ZNF615: variants seen among roughly 807,000 people sequenced by gnomAD.
ZNF615 encodes the protein zinc finger protein 615.
A neutral mutation model predicts 15.3 loss-of-function variants in ZNF615; 15 were observed. The observed-to-expected ratio is 0.98, with a 90% confidence interval of 0.66 to 1.51. The LOEUF is 1.51. Ranked by LOEUF, ZNF615 falls within the 40% of genes most tolerant of loss-of-function variation. ZNF615 has a pLI of 0.00. For missense variants in ZNF615, 848 were observed against 895.9 expected (o/e 0.95, Z 0.68); for synonymous variants, 268 against 294.6 (o/e 0.91, Z 0.92).
In ZNF615 at chr19:52,008,163, G is replaced by T. The variant is rs1237191302; in HGVS notation, c.-250C>A. ...TACTTCCCAGAACTTGGTGGGCTCCGGCCTCATCTCTCGGCCTCCTCAGTG... is the reference window on the plus strand; with the variant it reads ...TACTTCCCAGAACTTGGTGGGCTCCTGCCTCATCTCTCGGCCTCCTCAGTG... On this transcript the variant is annotated 5_prime_UTR_variant, in exon 1 of 7. Coordinates refer to ENST00000598071, the MANE Select transcript of ZNF615 (RefSeq NM_001199324.2). The T allele has an allele frequency of 7.2e-6, 11 of 1,535,578 alleles. No homozygotes were observed. The highest frequency in any genetic ancestry group is 8.7e-6 in the Non-Finnish European group (10 of 1,146,816).
At chr19:52,004,932 G>C (rs1284056689) in intron 2 of ZNF615, 1 of 151,954 alleles carries the variant, frequency 6.6e-6, no homozygotes, top group Admixed American at 6.6e-5. Flanking sequence ...TAATATATCA[G>C]GAAGTTTTAA....
chr19:51,994,300 T>A lies in ZNF615; in HGVS notation c.809A>T (p.His270Leu). The change falls in exon 7 of 7, where the codon CAT becomes CTT. Residue 270 changes from histidine to leucine, a missense_variant. Transcript: ENST00000598071. ...TTTGTCACATTCAGTGCATTCATAA[T>A]GTTTCAGTTCTGTATGAGTTCTCTG... ...DHQRTHTELK[H>L]YECTECDKTF... 6.2e-7 allele frequency: 1 copy of A among 1,614,208 alleles called. No individual in the cohort carries two copies. Among genetic ancestry groups the A allele is most frequent in the African/African-American group, 1.3e-5 (1 of 75,060 alleles).
Position 52,003,745 on chromosome 19 carries a change from G to A in ZNF615, c.-34C>T. 6.2e-7 allele frequency: 1 copy of A among 1,610,562 alleles called. No homozygotes were observed. ...AAATTTGGGAAATGACTGCTAACTT[G>A]GACGTTCTGTATTTGTCTCTTCTGA... On this transcript the variant is annotated 5_prime_UTR_variant, in exon 3 of 7. Coordinates refer to ENST00000598071, the MANE Select transcript of ZNF615 (RefSeq NM_001199324.2).
chr19:52,001,410 G>C (rs1276928860), intron 5 of ZNF615, among the ~76,000 whole-genome samples: 2 of 152,074 alleles, frequency 1.3e-5, no homozygotes, highest in Non-Finnish European at 2.9e-5. Context: ...ACAAGGTCAA[G>C]AGATCAAGAC....
chr19:52,000,781 C>T (rs1183492143), intron 5 of ZNF615, among the ~76,000 whole-genome samples: 1 of 152,008 alleles, frequency 6.6e-6, no homozygotes, highest in Non-Finnish European at 1.5e-5. Flanking sequence ...GACAAAACCC[C>T]ACCTCTATAA....
intron 6 of ZNF615, among the ~76,000 whole-genome samples, chr19:51,996,385 C>CAAAAAAAAAAAAAAAAAAAAAAAAAA (rs1172310589): frequency 3.0e-5 from 1 of 33,326 alleles, no homozygotes; most frequent in Non-Finnish European, 5.5e-5. Flanking sequence ...GACTCTGTCT[C>CAAAAAAAAAAAAAAAAAAAAAAAAAA]AAAAAAAAAA....
In ZNF615 at chr19:51,993,418, C is replaced by T. The variant is rs2086300613; in HGVS notation, c.1691G>A (p.Ser564Asn). ...AGTGCGCCGATGTACATTGAGATGA[C>T]TCTTCTCAGTGAAGCCTTTTCCACA... ...NECGKGFTEK[S>N]HLNVHRRTHT... is the part of the protein sequence containing the mutation. The change falls in exon 7 of 7, where the codon AGT becomes AAT. Residue 564 changes from serine (S) to asparagine (N), a missense_variant. Coordinates refer to ENST00000598071, the MANE Select transcript of ZNF615 (RefSeq NM_001199324.2). The T allele has an allele frequency of 1.9e-6, 3 of 1,613,942 alleles. No individual in the cohort carries two copies. In the Admixed American group the frequency reaches 5.0e-5, roughly 27 times the overall value.
rs1172310589 is a variant in ZNF615, at chr19:51,996,385, C to CAAAAAAAAAAAAAAAAAAAAAAAA, written c.272-1549_272-1548insTTTTTTTTTTTTTTTTTTTTTTTT. ...GGGGTGACACAGCAAGACTCTGTCT[C>CAAAAAAAAAAAAAAAAAAAAAAAA]AAAAAAAAAAAAAAAAAAAAAAACG... On this transcript the variant is annotated intron_variant, in intron 6 of 6. Transcript: ENST00000598071. Among the ~76,000 whole-genome samples the CAAAAAAAAAAAAAAAAAAAAAAAA allele has an allele frequency of 3.9e-4, 13 of 33,322 alleles. 2 individuals are homozygous for CAAAAAAAAAAAAAAAAAAAAAAAA. Among genetic ancestry groups the CAAAAAAAAAAAAAAAAAAAAAAAA allele is most frequent in the Non-Finnish European group, 5.0e-4 (9 of 18,124 alleles). 21.9% of individuals were successfully genotyped at this position (33,322 alleles called of 152,430 possible).
At chr19:52,002,003 A>G (rs1488311960) in intron 4 of ZNF615, 95 bp from the exon 5 acceptor site, 10 of 1,596,420 alleles carry the variant, frequency 6.3e-6, no homozygotes, top group Non-Finnish European at 8.6e-6. Flanking sequence ...CATAGGTATC[A>G]GATCTGTAAC....
At chr19:52,008,066 G>T in intron 1 of ZNF615, 75 bp downstream of exon 1, 4 of 1,410,152 alleles carry the variant, frequency 2.8e-6, no homozygotes, top group Non-Finnish European at 2.9e-6. Context: ...CATCACCACT[G>T]TCCACGAACA....
Position 51,994,532 on chromosome 19 carries a change from T to C in ZNF615, c.577A>G (p.Ile193Val), listed in dbSNP as rs1258573599. 6.2e-7 allele frequency: 1 copy of C among 1,614,178 alleles called. No individual in the cohort carries two copies. The highest frequency in any genetic ancestry group is 2.2e-5 in the East Asian group (1 of 44,878). The change falls in exon 7 of 7, where the codon ATT (isoleucine) becomes GTT (valine). Residue 193 changes from isoleucine to valine, a missense_variant. Physicochemically the swap from Ile to Val is conservative, Grantham distance 29. Transcript: ENST00000598071. ...QFYTEMKFPA[I>V]AKPINKSQFI... The stretch of plus-strand genomic sequence containing the variant: ...TGGGACTTATTAATAGGTTTTGCAA[T>C]TGCAGGAAACTTCATTTCAGTATAA...
At chr19:51,999,357 G>T (rs934241118) in intron 6 of ZNF615, among the ~76,000 whole-genome samples, 1 of 152,142 alleles carries the variant, frequency 6.6e-6, no homozygotes, top group Non-Finnish European at 1.5e-5. Context: ...ATTTACAACT[G>T]ATTCTAAACT....
Position 51,992,865 on chromosome 19 carries a change from G to A in ZNF615, c.*15C>T. ...CTTAAGGGCCTACATCTGGCAAGAG[G>A]CTTTCCCAAAATGACTACCTGTGAA... On this transcript the variant is annotated 3_prime_UTR_variant, in exon 7 of 7. Coordinates refer to ENST00000598071, the MANE Select transcript of ZNF615 (RefSeq NM_001199324.2). 1 of 1,611,518 alleles carries A rather than the reference G, an allele frequency of 6.2e-7. No homozygotes were observed. Among genetic ancestry groups the A allele is most frequent in the Non-Finnish European group, 8.5e-7 (1 of 1,178,002 alleles).
intron 2 of ZNF615, among the ~76,000 whole-genome samples, 153 bp downstream of exon 2, chr19:52,007,140 C>G (rs558253158): frequency 1.3e-5 from 2 of 152,224 alleles, no homozygotes; most frequent in African/African-American, 4.8e-5. Context: ...AAAACAACTT[C>G]TAAATGTTTA....
At chr19:52,001,298 T>C (rs1351193290) in intron 5 of ZNF615, among the ~76,000 whole-genome samples, 1 of 151,660 alleles carries the variant, frequency 6.6e-6, no homozygotes, top group African/African-American at 2.4e-5. Flanking sequence ...AAGATGTGCA[T>C]AAAATAAACA....
In ZNF615 at chr19:51,994,264, T is replaced by C; in HGVS notation, c.845A>G (p.Lys282Arg). The C allele has an allele frequency of 1.2e-6, 2 of 1,614,176 alleles. No individual in the cohort carries two copies. Among genetic ancestry groups the C allele is most frequent in the Non-Finnish European group, 1.7e-6 (2 of 1,180,022 alleles). Reference sequence around the variant, plus strand: ...CTGATGTATATTGAGCTGTGATTTCTTGAGGAAGGTTTTGTCACATTCAGT... The same window carrying C: ...CTGATGTATATTGAGCTGTGATTTCCTGAGGAAGGTTTTGTCACATTCAGT... ...ECTECDKTFL[K>R]KSQLNIHQKT... The change falls in exon 7 of 7, where the codon AAG becomes AGG. Residue 282 changes from lysine to arginine, a missense_variant. Coordinates refer to ENST00000598071, the MANE Select transcript of ZNF615 (RefSeq NM_001199324.2).
intron 5 of ZNF615, among the ~76,000 whole-genome samples, chr19:52,001,407 C>G (rs548243375): frequency 9.9e-5 from 15 of 152,078 alleles, no homozygotes; most frequent in Non-Finnish European, 1.9e-4. Context: ...ATCACAAGGT[C>G]AAGAGATCAA....
Position 51,993,289 on chromosome 19 carries a change from T to C in ZNF615, c.1820A>G (p.Tyr607Cys). ...HQRTHTGEKP[Y>C]ICNECGKGFT... The stretch of plus-strand genomic sequence containing the variant: ...GCCCTTTCCACATTCATTGCATATA[T>C]AAGGTTTCTCCCCAGTATGAGTTCG... The change falls in exon 7 of 7, where the codon TAT becomes TGT. Residue 607 changes from tyrosine (Y) to cysteine (C), a missense_variant. Coordinates refer to ENST00000598071, the MANE Select transcript of ZNF615 (RefSeq NM_001199324.2). 3 of 1,614,140 alleles carry C rather than the reference T, an allele frequency of 1.9e-6. No individual in the cohort carries two copies. Among genetic ancestry groups the C allele is most frequent in the Non-Finnish European group, 2.5e-6 (3 of 1,179,998 alleles).
At chr19:51,995,343 G>A (rs2086386402) in intron 6 of ZNF615, among the ~76,000 whole-genome samples, 1 of 152,060 alleles carries the variant, frequency 6.6e-6, no homozygotes, top group Non-Finnish European at 1.5e-5. Flanking sequence ...TTCTAAATAG[G>A]TCTTTATACA....
Sources: gnomAD v4.1 joint callset for allele counts (sites outside exome capture counted in the v4.1 genomes callset) on GRCh38, gnomAD v4.1.1 for gene constraint, MANE v1.5 for transcripts, NCBI Gene and HGNC (gene_info 2026-07-23, HGNC 2026-07-21) for gene names.